The following RNF40 variants were observed in gnomAD, a reference collection of about 807,000 sequenced individuals.
RNF40 encodes E3 ubiquitin-protein ligase BRE1B.
RNF40 carries 39 observed loss-of-function variants against 123.3 expected under a neutral mutation model. That is an observed-to-expected ratio of 0.32 (90% CI 0.24 to 0.41). The LOEUF is 0.41. Among genes scored for constraint, RNF40 ranks in the 10% least tolerant of loss-of-function variants. The pLI, the probability that RNF40 is intolerant of heterozygous loss-of-function variation, is 1.00. For missense variants in RNF40, 1,003 were observed against 1,319.9 expected, an observed-to-expected ratio of 0.76 and a Z score of 3.72; for synonymous variants, 538 against 526.0, an observed-to-expected ratio of 1.02 and a Z score of -0.31.
rs1435209602 is a variant in RNF40, at chr16:30,769,264, C to A, written c.2326C>A (p.Leu776Ile). The change falls in exon 16 of 20, where the codon CTA becomes ATA. Residue 776 changes from leucine (L) to isoleucine (I), a missense_variant. This residue lies in a region of RNF40 where 25 missense variants were observed against 72.6 expected (regional missense o/e 0.34). Transcript: ENST00000324685. Reference protein sequence around the residue: ...EDMQEQNGRLLQQLREKDDAN... With the variant: ...EDMQEQNGRLIQQLREKDDAN... The stretch of plus-strand genomic sequence containing the variant: ...CATGCAGGAACAGAACGGGCGGCTG[C>A]TACAGCAGTTGCGGGAAAAGGATGA... 2.5e-6 allele frequency: 4 copies of A among 1,614,078 alleles called. No homozygotes were observed.
intron 4 of RNF40, among the ~76,000 whole-genome samples, chr16:30,763,955 C>T (rs1235391729): frequency 6.6e-6 from 1 of 152,168 alleles, no homozygotes; most frequent in Non-Finnish European, 1.5e-5. Context: ...TGGTAAAGTA[C>T]AGGAAGCTTC....
Position 30,764,983 on chromosome 16 carries a change from A to T in RNF40, c.695A>T (p.Glu232Val). The stretch of plus-strand genomic sequence containing the variant: ...GAGGCGGCTCAGGCACACACCCGAG[A>T]GCTGGGCCGTGAGAACCGGCGACTG... The part of the protein sequence containing the change: ...LSEAAQAHTR[E>V]LGRENRRLQD... The change falls in exon 6 of 20, where the codon GAG (glutamate) becomes GTG (valine). Residue 232 changes from glutamate to valine, a missense_variant. By Grantham distance (121) the Glu-to-Val change is moderately radical. Around this residue, in one of 11 missense-constraint regions of RNF40, gnomAD observed 274 missense variants for 356.9 expected, o/e 0.77. Transcript: ENST00000324685. 1 of 1,613,184 alleles carries T rather than the reference A, an allele frequency of 6.2e-7. No homozygotes were observed. The highest frequency in any genetic ancestry group is 1.1e-5 in the South Asian group (1 of 91,040).
At chr16:30,763,972 G>C (rs928043666) in intron 4 of RNF40, among the ~76,000 whole-genome samples, 1 of 152,148 alleles carries the variant, frequency 6.6e-6, no homozygotes, top group South Asian at 2.1e-4. Context: ...CTTCCCTGAG[G>C]ATGTGATACG....
Position 30,766,919 on chromosome 16 carries a change from G to C in RNF40, c.1429+43G>C, listed in dbSNP as rs747389534. 2 of 1,602,062 alleles carry C rather than the reference G, an allele frequency of 1.2e-6. No homozygotes were observed. Among genetic ancestry groups the C allele is most frequent in the Non-Finnish European group, 1.7e-6 (2 of 1,173,802 alleles). ...GGCGGAGGTGGGGCCTTATCTGGGAGTGCTGGGCCCTGGTGTGGGGCTGCT... is the reference window on the plus strand; with the variant it reads ...GGCGGAGGTGGGGCCTTATCTGGGACTGCTGGGCCCTGGTGTGGGGCTGCT... On this transcript the variant is annotated intron_variant, in intron 11 of 19. Coordinates refer to ENST00000324685, the MANE Select transcript of RNF40 (RefSeq NM_014771.4). The surrounding 1 kb of genome is among the most constrained non-coding windows in gnomAD (Gnocchi z 5.4).
At chr16:30,769,843 A>T (rs2054115296) in intron 17 of RNF40, among the ~76,000 whole-genome samples, 1 of 152,196 alleles carries the variant, frequency 6.6e-6, no homozygotes, top group South Asian at 2.1e-4. Flanking sequence ...CACGTCTGTG[A>T]TCCCAACACT....
At position 30,765,394 on chromosome 16, in the gene RNF40, C is replaced by T. The variant is rs1484814934; in HGVS notation, c.919-31C>T. On this transcript the variant is annotated intron_variant, in intron 7 of 19. Transcript: ENST00000324685. ...CTTGGGCCTTAGCTCCTCCCCTCTA[C>T]ATCCATTGCCTGTCTGTTTTCTCTC... The T allele has an allele frequency of 3.7e-6, 6 of 1,613,974 alleles. No individual in the cohort carries two copies. The South Asian group carries it at 4.4e-5, about 12-fold the overall frequency.
At chr16:30,764,409 A>C in intron 5 of RNF40, 24 bp downstream of exon 5, 1 of 1,595,022 alleles carries the variant, frequency 6.3e-7, no homozygotes, top group South Asian at 1.1e-5. Context: ...GCCCATACTG[A>C]AGGGGTGTCC....
chr16:30,773,961 T>C lies in RNF40; in HGVS notation c.2853T>C (p.Cys951=). ...EYKARLTCPC[C]NTRKKDAVLT... The stretch of plus-strand genomic sequence containing the variant: ...AGGCGCGGTTGACCTGCCCCTGCTG[T>C]AACACCCGCAAGAAGGATGCAGTCC... The change falls in exon 20 of 20, where the codon TGT becomes TGC. Residue 951 remains cysteine (C), a synonymous_variant. Coordinates refer to ENST00000324685, the MANE Select transcript of RNF40 (RefSeq NM_014771.4). 2 of 1,613,222 alleles carry C rather than the reference T, an allele frequency of 1.2e-6. No individual in the cohort carries two copies.
intron 17 of RNF40, among the ~76,000 whole-genome samples, chr16:30,770,193 G>A (rs574339344): frequency 1.4e-5 from 2 of 140,542 alleles, no homozygotes; most frequent in East Asian, 2.2e-4. Flanking sequence ...TGCAACCTCC[G>A]CCTCCCAGGT....
chr16:30,767,146 A>G (rs2151329559), intron 11 of RNF40, among the ~76,000 whole-genome samples: 1 of 152,290 alleles, frequency 6.6e-6, no homozygotes, highest in African/African-American at 2.4e-5. Flanking sequence ...TCTCTCAGAT[A>G]CTTGTGTTAC....
intron 19 of RNF40, among the ~76,000 whole-genome samples, chr16:30,773,267 G>A (rs2054178826): frequency 6.6e-6 from 1 of 152,200 alleles, no homozygotes; most frequent in African/African-American, 2.4e-5. Flanking sequence ...CAGCCATGGG[G>A]TAGAGGCAGG....
At position 30,763,456 on chromosome 16, in the gene RNF40, G is replaced by T. The variant is rs765188561; in HGVS notation, c.339G>T (p.Glu113Asp). 1.1e-5 allele frequency: 18 copies of T among 1,611,062 alleles called. No homozygotes were observed. The highest frequency in any genetic ancestry group is 1.5e-5 in the Non-Finnish European group (18 of 1,178,892). ...TGGAAGCCCTTCTCCGATGCCATGA[G>T]AGCCAGGGGGAGCTGTCTTCAGCGC... ...ETVEALLRCH[E>D]SQGELSSAPE... The change falls in exon 4 of 20, where the codon GAG becomes GAT. Residue 113 changes from glutamate to aspartate, a missense_variant. This residue lies in a region of RNF40 where 104 missense variants were observed against 85.2 expected (regional missense o/e 1.22). Transcript: ENST00000324685.
At position 30,766,703 on chromosome 16, in the gene RNF40, C is replaced by T. The variant is rs373137923; in HGVS notation, c.1294-38C>T. 1.1e-5 allele frequency: 18 copies of T among 1,612,082 alleles called. No individual in the cohort carries two copies. The highest frequency in any genetic ancestry group is 6.7e-5 in the African/African-American group (5 of 74,884). On this transcript the variant is annotated intron_variant, in intron 10 of 19. Transcript: ENST00000324685. This position sits in a 1 kb window ranked among gnomAD's most constrained non-coding sequence, Gnocchi z 5.4. The stretch of plus-strand genomic sequence containing the variant: ...AAGATACTGAGTCCTGAGGTGGGAC[C>T]GAGGGGCTGTGTGGGTCCTTAACAC...
In RNF40 at chr16:30,768,784, T is replaced by G; in HGVS notation, c.2097+48T>G. 1 of 1,613,564 alleles carries G rather than the reference T, an allele frequency of 6.2e-7. No homozygotes were observed. The highest frequency in any genetic ancestry group is 8.5e-7 in the Non-Finnish European group (1 of 1,179,682). ...GGGCATTCAGAAAGGCAGAGCAGAG[T>G]CCTAGCTCAGCAGGAAGCAGTGTCA... On this transcript the variant is annotated intron_variant, in intron 14 of 19. Transcript: ENST00000324685. The surrounding 1 kb of genome is among the most constrained non-coding windows in gnomAD (Gnocchi z 4.1).
chr16:30,765,655 A>G (rs2054014532), intron 8 of RNF40, among the ~76,000 whole-genome samples, 156 bp downstream of exon 8: 1 of 152,208 alleles, frequency 6.6e-6, no homozygotes, highest in Non-Finnish European at 1.5e-5. Flanking sequence ...TGTTGAGTAG[A>G]TTTTTGAACA....
At position 30,768,533 on chromosome 16, in the gene RNF40, G is replaced by A; in HGVS notation, c.1979+3G>A. 1 of 1,612,188 alleles carries A rather than the reference G, an allele frequency of 6.2e-7. No homozygotes were observed. The highest frequency in any genetic ancestry group is 8.5e-7 in the Non-Finnish European group (1 of 1,178,642). ...AAGGGTCTCCGAGCAGAGCTCAAGT[G>A]AGGCTCTGTTCCTGTCTCCTTCCTG... On this transcript the variant is annotated splice_donor_region_variant and intron_variant, in intron 13 of 19. Coordinates refer to ENST00000324685, the MANE Select transcript of RNF40 (RefSeq NM_014771.4). The surrounding 1 kb of genome is among the most constrained non-coding windows in gnomAD (Gnocchi z 4.1).
Position 30,766,496 on chromosome 16 carries a change from G to A in RNF40, c.1231G>A (p.Glu411Lys), listed in dbSNP as rs753854276. The change falls in exon 10 of 20, where the codon GAG becomes AAG. Residue 411 changes from glutamate to lysine, a missense_variant. Physicochemically the swap from Glu to Lys is moderately conservative, Grantham distance 56. Coordinates refer to ENST00000324685, the MANE Select transcript of RNF40 (RefSeq NM_014771.4). The surrounding 1 kb of genome is among the most constrained non-coding windows in gnomAD (Gnocchi z 5.4). Reference sequence around the variant, plus strand: ...TCTGCAAGTGAAGACCCAGCTAGACGAGGCTCGGGGCCTGCTGCTGGCCAC... The same window carrying A: ...TCTGCAAGTGAAGACCCAGCTAGACAAGGCTCGGGGCCTGCTGCTGGCCAC... ...ESLQVKTQLD[E>K]ARGLLLATKN... The A allele has an allele frequency of 6.2e-7, 1 of 1,613,552 alleles. No individual in the cohort carries two copies. The highest frequency in any genetic ancestry group is 1.3e-5 in the African/African-American group (1 of 75,028).
rs1248093933 is a variant in RNF40, at chr16:30,762,539, C to T, written c.-7C>T. ...GGGGACCCTGCATCGCTCCAGCCGCCGCGGCCATGTCTGGGCCAGGCAACA... is the reference window on the plus strand; with the variant it reads ...GGGGACCCTGCATCGCTCCAGCCGCTGCGGCCATGTCTGGGCCAGGCAACA... On this transcript the variant is annotated 5_prime_UTR_variant, in exon 2 of 20. Transcript: ENST00000324685. 4 of 1,582,874 alleles carry T rather than the reference C, an allele frequency of 2.5e-6. No individual in the cohort carries two copies. The South Asian group carries it at 3.4e-5, about 13-fold the overall frequency.
rs371338309 is a variant in RNF40, at chr16:30,769,619, G to T, written c.2586+19G>T. 5.9e-6 allele frequency: 9 copies of T among 1,526,784 alleles called. No individual in the cohort carries two copies. The African/African-American group carries it at 1.1e-4, about 19-fold the overall frequency. The allele number at this position is 1,526,784 out of a possible 1,614,324, so 94.6% of individuals were successfully genotyped here. On this transcript the variant is annotated intron_variant, in intron 17 of 19. Transcript: ENST00000324685. ...GCGGAAGGTGAGGCTGGGCCAGGGG[G>T]ACACACAGCTTGGGCTGCTGGCTCA... is the stretch of plus-strand genomic sequence containing the variant.
Sources: gnomAD v4.1 joint callset for allele counts (sites outside exome capture counted in the v4.1 genomes callset) on GRCh38, gnomAD v4.1.1 for gene constraint, gnomAD v4.1.1 regional missense constraint, Gnocchi (gnomAD v3.1) non-coding constraint, MANE v1.5 for transcripts, NCBI Gene and HGNC (gene_info 2026-07-23, HGNC 2026-07-21) for gene names.